The following TMEM167B variants were observed in gnomAD, a reference collection of about 807,000 sequenced individuals.
TMEM167B encodes transmembrane protein 167B, also known as protein kish-B.
TMEM167B carries 2 observed loss-of-function variants against 9.4 expected under a neutral mutation model. That is an observed-to-expected ratio of 0.21 (90% CI 0.09 to 0.67). The LOEUF (loss-of-function observed/expected upper bound fraction) is 0.67. Ranked by LOEUF, TMEM167B falls within the 30% of genes least tolerant of loss-of-function variation. The pLI is 0.82. For synonymous variants in TMEM167B, 28 were observed against 32.0 expected, an observed-to-expected ratio of 0.87 and a Z score of 0.42; for missense variants, 68 against 87.6, an observed-to-expected ratio of 0.78 and a Z score of 0.89.
intron 2 of TMEM167B, chr1:109,093,503 A>C (rs1418966106): frequency 6.5e-6 from 1 of 152,810 alleles, no homozygotes; most frequent in Admixed American, 6.5e-5. Flanking sequence ...AAAAAAAAAA[A>C]AATTATTTAA....
In TMEM167B at chr1:109,094,511, C is replaced by T; in HGVS notation, c.*12C>T. On this transcript the variant is annotated 3_prime_UTR_variant, in exon 3 of 3. Transcript: ENST00000338272. The stretch of plus-strand genomic sequence containing the variant: ...TGTTTATAAAATGAATTCCAAAGCA[C>T]CCAAGTCATCAACTGCCAACCAAGG... 1 of 1,613,316 alleles carries T rather than the reference C, an allele frequency of 6.2e-7. No individual in the cohort carries two copies. The highest frequency in any genetic ancestry group is 8.5e-7 in the Non-Finnish European group (1 of 1,179,898).
chr1:109,090,993 C>A, intron 1 of TMEM167B, 111 bp downstream of exon 1: 2 of 1,342,748 alleles, frequency 1.5e-6, no homozygotes, highest in African/African-American at 2.9e-5. Flanking sequence ...CAGCCCGGCC[C>A]CCCTTGGCCT....
At chr1:109,092,831 G>T in intron 1 of TMEM167B, 59 bp from the exon 2 acceptor site, 1 of 1,591,006 alleles carries the variant, frequency 6.3e-7, no homozygotes, top group Non-Finnish European at 8.6e-7. Flanking sequence ...TCTCAGGCGG[G>T]ATCACAGGTC....
chr1:109,093,141 C>A (rs971811640), intron 2 of TMEM167B, 120 bp downstream of exon 2: 1 of 1,377,216 alleles, frequency 7.3e-7, no homozygotes, highest in Non-Finnish European at 9.9e-7. Context: ...AAAATCCCTC[C>A]GATTGGGTCT....
At chr1:109,093,141 C>T (rs971811640) in intron 2 of TMEM167B, 120 bp downstream of exon 2, 34 of 1,377,106 alleles carry the variant, frequency 2.5e-5, no homozygotes, top group South Asian at 5.5e-5. Flanking sequence ...AAAATCCCTC[C>T]GATTGGGTCT....
rs566673082 is a variant in TMEM167B at position 109,095,838 on chromosome 1, G to A, written c.*1339G>A. ...ATTTTAGATGGCTCAGCATTTGGCA[G>A]GAAGACTTCTCCATTCCCTGCTTAT... On this transcript the variant is annotated 3_prime_UTR_variant, in exon 3 of 3. Coordinates refer to ENST00000338272, the MANE Select transcript of TMEM167B (RefSeq NM_020141.4). 2.0e-5 allele frequency: 3 copies of A among 152,152 alleles called. No homozygotes were observed. The highest frequency in any genetic ancestry group is 4.4e-5 in the Non-Finnish European group (3 of 68,034). The allele number at this position is 152,152 out of a possible 1,614,324, so 9.4% of individuals were successfully genotyped here.
At chr1:109,092,231 TTAAGAG>T (rs1664466348) in intron 1 of TMEM167B, among the ~76,000 whole-genome samples, 1 of 152,184 alleles carries the variant, frequency 6.6e-6, no homozygotes, top group Admixed American at 6.5e-5. Flanking sequence ...ATTCGGTTTG[TTAAGAG>T]TATCATCCAT....
At chr1:109,091,996 GT>G (rs1664461114) in intron 1 of TMEM167B, among the ~76,000 whole-genome samples, 1 of 152,290 alleles carries the variant, frequency 6.6e-6, no homozygotes, top group African/African-American at 2.4e-5. Flanking sequence ...TAAGACAGCA[GT>G]TTGACACGGT....
rs1430945294 is a variant in TMEM167B at position 109,096,804 on chromosome 1, T to A, written c.*2305T>A. On this transcript the variant is annotated 3_prime_UTR_variant, in exon 3 of 3. Coordinates refer to ENST00000338272, the MANE Select transcript of TMEM167B (RefSeq NM_020141.4). ...TGGGGATAGCAGTATTGCCTCAGAT[T>A]CAAACTGGCATCACCATAAACCCTG... The A allele has an allele frequency of 1.3e-5, 2 of 152,214 alleles. No individual in the cohort carries two copies. Among genetic ancestry groups the A allele is most frequent in the Admixed American group, 6.5e-5 (1 of 15,286 alleles). The allele number at this position is 152,214 out of a possible 1,614,324, so 9.4% of individuals were successfully genotyped here.
rs1664570816 is a variant in TMEM167B, at chr1:109,096,421, T to G, written c.*1922T>G. The G allele has an allele frequency of 6.6e-6, 1 of 152,224 alleles. No homozygotes were observed. Among genetic ancestry groups the G allele is most frequent in the Non-Finnish European group, 1.5e-5 (1 of 68,036 alleles). The allele number at this position is 152,224 out of a possible 1,614,324, so 9.4% of individuals were successfully genotyped here. On this transcript the variant is annotated 3_prime_UTR_variant, in exon 3 of 3. Transcript: ENST00000338272. ...TGTAGCTTTAATGATTTTTGTTTTC[T>G]AATAGGGCAAATGTCTCTAAGCTTG...
intron 1 of TMEM167B, 144 bp downstream of exon 1, chr1:109,091,026 C>G: frequency 1.1e-6 from 1 of 928,888 alleles, no homozygotes. Context: ...AACTTCTGTA[C>G]CCCTATACTC....
At position 109,096,821 on chromosome 1, in the gene TMEM167B, T is replaced by TAA. The variant is rs1455826944; in HGVS notation, c.*2324_*2325dup. ...CCTCAGATTCAAACTGGCATCACCA[T>TAA]AAACCCTGTAGGCCAGGGTGGAATG... On this transcript the variant is annotated 3_prime_UTR_variant, in exon 3 of 3. Coordinates refer to ENST00000338272, the MANE Select transcript of TMEM167B (RefSeq NM_020141.4). 1 of 152,246 alleles carries TAA rather than the reference T, an allele frequency of 6.6e-6. No homozygotes were observed. The highest frequency in any genetic ancestry group is 6.5e-5 in the Admixed American group (1 of 15,288). 9.4% of individuals were successfully genotyped at this position (152,246 alleles called of 1,614,324 possible). A position where few individuals can be genotyped will look rare whatever the true frequency, so the allele number is the denominator to read the frequency against.
chr1:109,094,788 C>T lies in TMEM167B; in HGVS notation c.*289C>T, dbSNP rs1328466090. On this transcript the variant is annotated 3_prime_UTR_variant, in exon 3 of 3. Coordinates refer to ENST00000338272, the MANE Select transcript of TMEM167B (RefSeq NM_020141.4). ...ACCCCTCGGTGATAAGATTACATAC[C>T]TCCTTCATAAAAACCTGTCATCCTG... 8 of 327,368 alleles carry T rather than the reference C, an allele frequency of 2.4e-5. No homozygotes were observed. The East Asian group carries it at 5.0e-4, about 20-fold the overall frequency. The allele number at this position is 327,368 out of a possible 1,614,324, so 20.3% of individuals were successfully genotyped here. A position where few individuals can be genotyped will look rare whatever the true frequency, so the allele number is the denominator to read the frequency against.
chr1:109,091,263 T>C (rs1446245494), intron 1 of TMEM167B, among the ~76,000 whole-genome samples: 1 of 152,234 alleles, frequency 6.6e-6, no homozygotes, highest in African/African-American at 2.4e-5. Flanking sequence ...CGTAGTTTTG[T>C]TGAGAGGGCC....
Position 109,094,551 on chromosome 1 carries a change from A to C in TMEM167B, c.*52A>C. 6.3e-7 allele frequency: 1 copy of C among 1,580,050 alleles called. No individual in the cohort carries two copies. On this transcript the variant is annotated 3_prime_UTR_variant, in exon 3 of 3. Coordinates refer to ENST00000338272, the MANE Select transcript of TMEM167B (RefSeq NM_020141.4). ...GCCAACCAAGGGGACGGGGATGAAG[A>C]ACCTGTTGGAGACCTGAACCCAGTG...
At position 109,095,374 on chromosome 1, in the gene TMEM167B, T is replaced by C. The variant is rs990549664; in HGVS notation, c.*875T>C. The C allele has an allele frequency of 1.6e-4, 25 of 152,174 alleles. No homozygotes were observed. Among genetic ancestry groups the C allele is most frequent in the African/African-American group, 5.5e-4 (23 of 41,462 alleles). The allele number at this position is 152,174 out of a possible 1,614,324, so 9.4% of individuals were successfully genotyped here. On this transcript the variant is annotated 3_prime_UTR_variant, in exon 3 of 3. Transcript: ENST00000338272. Reference sequence around the variant, plus strand: ...CCACGACTAGGGGAAAAAGAAACTATTGAAGAAATAATTGTTTAGTATATT... The same window carrying C: ...CCACGACTAGGGGAAAAAGAAACTACTGAAGAAATAATTGTTTAGTATATT...
Position 109,090,773 on chromosome 1 carries a change from A to T in TMEM167B, c.-100A>T. 6.9e-7 allele frequency: 1 copy of T among 1,449,388 alleles called. No individual in the cohort carries two copies. Among genetic ancestry groups the T allele is most frequent in the African/African-American group, 1.4e-5 (1 of 71,006 alleles). The allele number at this position is 1,449,388 out of a possible 1,614,324, so 89.8% of individuals were successfully genotyped here. A position where few individuals can be genotyped will look rare whatever the true frequency, so the allele number is the denominator to read the frequency against. The stretch of plus-strand genomic sequence containing the variant: ...CTGCGTACTACGGCTTCTTCCAGTC[A>T]CCTCGGCCCGGATCGGGAAGTGTCA... On this transcript the variant is annotated 5_prime_UTR_variant, in exon 1 of 3. Transcript: ENST00000338272.
chr1:109,093,860 G>T (rs1664508561), intron 2 of TMEM167B: 1 of 152,830 alleles, frequency 6.5e-6, no homozygotes, highest in African/African-American at 2.4e-5. Context: ...TCAGAGGCCG[G>T]ATGCGGTGGC....
At chr1:109,091,006 C>A (rs1028138586) in intron 1 of TMEM167B, 124 bp downstream of exon 1, 1 of 1,187,694 alleles carries the variant, frequency 8.4e-7, no homozygotes, top group Non-Finnish European at 1.2e-6. Context: ...CTTGGCCTCT[C>A]GACGCCCCTA....
Sources: allele counts gnomAD v4.1 joint callset (sites outside exome capture counted in the v4.1 genomes callset), GRCh38; gene constraint gnomAD v4.1.1; transcripts MANE v1.5; gene names NCBI Gene and HGNC (gene_info 2026-07-23, HGNC 2026-07-21).